Variants in SEC23A observed in about 807,000 individuals in gnomAD.
SEC23A encodes the protein protein transport protein Sec23A.
A neutral mutation model predicts 103.7 loss-of-function variants in SEC23A; 56 were observed. That is an observed-to-expected ratio of 0.54 (90% CI 0.44 to 0.67). The LOEUF (loss-of-function observed/expected upper bound fraction) is 0.67, where lower values mean the gene tolerates loss of function less well. SEC23A is among the 30% of genes least tolerant of loss of function. The pLI is 0.00. For synonymous variants in SEC23A, 281 were observed against 293.0 expected (o/e 0.96, Z 0.42); for missense variants, 784 against 936.4 (o/e 0.84, Z 2.12).
chr14:39,041,409 C>CAAAAAAAAAAAAAAA lies in SEC23A; in HGVS notation c.1987-537_1987-523dup, dbSNP rs56911438. 1.3e-3 allele frequency: 19 copies of CAAAAAAAAAAAAAAA among 14,642 alleles called. 2 individuals are homozygous for CAAAAAAAAAAAAAAA. The highest frequency in any genetic ancestry group is 1.5e-3 in the Admixed American group (1 of 658). The allele number at this position is 14,642 out of a possible 1,614,324, so 0.9% of individuals were successfully genotyped here. On this transcript the variant is annotated intron_variant, in intron 17 of 19. Coordinates refer to ENST00000307712, the MANE Select transcript of SEC23A (RefSeq NM_006364.4). The stretch of plus-strand genomic sequence containing the variant: ...AAATCACCATAAAACAAAGAAAAAG[C>CAAAAAAAAAAAAAAA]AAAAAAAAAAAAAAAAAAAAAAAAA...
chr14:39,060,720 G>T (rs1471099258), intron 13 of SEC23A, among the ~76,000 whole-genome samples: 2 of 152,166 alleles, frequency 1.3e-5, no homozygotes, highest in Admixed American at 6.5e-5. Context: ...TTAATAAAAA[G>T]AAAGGTACTA....
intron 13 of SEC23A, among the ~76,000 whole-genome samples, chr14:39,061,265 G>T (rs1042936784): frequency 6.6e-6 from 1 of 151,930 alleles, no homozygotes; most frequent in Non-Finnish European, 1.5e-5. Flanking sequence ...ACAGCAGGAG[G>T]CTAAGTACGT....
chr14:39,040,950 T>G (rs1885617132), intron 17 of SEC23A, 63 bp from the exon 18 acceptor site: 1 of 1,527,046 alleles, frequency 6.5e-7, no homozygotes, highest in Admixed American at 2.1e-5. Flanking sequence ...ATCTTGAGAT[T>G]TTTCCAAAGA....
At position 39,045,196 on chromosome 14, in the gene SEC23A, G is replaced by T. The variant is rs755409537; in HGVS notation, c.1866C>A (p.Ile622=). ...LTQSLIMIQP[I]LYAYSFSGPP... Reference sequence around the variant, plus strand: ...GTCCACTAAAAGAATACGCATACAGGATAGGCTGAATCATAATTAGAGACT... The same window carrying T: ...GTCCACTAAAAGAATACGCATACAGTATAGGCTGAATCATAATTAGAGACT... The change falls in exon 16 of 20, where the codon ATC becomes ATA. Residue 622 remains isoleucine (I), a synonymous_variant. Coordinates refer to ENST00000307712, the MANE Select transcript of SEC23A (RefSeq NM_006364.4). The T allele has an allele frequency of 1.2e-6, 2 of 1,613,430 alleles. No homozygotes were observed. Among genetic ancestry groups the T allele is most frequent in the East Asian group, 2.2e-5 (1 of 44,806 alleles).
At chr14:39,047,464 T>C in intron 15 of SEC23A, 1 of 1,178,552 alleles carries the variant, frequency 8.5e-7, no homozygotes, top group Non-Finnish European at 1.1e-6. Context: ...TTCTGGGTTA[T>C]AGATCAATCA....
At chr14:39,096,618 A>C (rs1887902438) in intron 1 of SEC23A, among the ~76,000 whole-genome samples, 1 of 152,110 alleles carries the variant, frequency 6.6e-6, no homozygotes, top group African/African-American at 2.4e-5. Flanking sequence ...TAATGGCTCT[A>C]CCCAATGTTC....
At chr14:39,045,973 TG>T (rs1437929302) in intron 15 of SEC23A, among the ~76,000 whole-genome samples, 1 of 152,214 alleles carries the variant, frequency 6.6e-6, no homozygotes, top group Non-Finnish European at 1.5e-5. Context: ...CAGGGCCAGA[TG>T]GAGGGAACTG....
At chr14:39,077,227 CAAAAAAAAAAAAAAA>C (rs57549556) in intron 7 of SEC23A, among the ~76,000 whole-genome samples, 7 of 36,480 alleles carry the variant, frequency 1.9e-4, no homozygotes, top group Admixed American at 1.4e-3. Context: ...GACTCCATCT[CAAAAAAAAAAAAAAA>C]AAAAAAAAAA....
intron 19 of SEC23A, among the ~76,000 whole-genome samples, chr14:39,038,046 A>G (rs1038062675): frequency 6.6e-6 from 1 of 152,060 alleles, no homozygotes; most frequent in African/African-American, 2.4e-5. Flanking sequence ...TAAATACTCA[A>G]CTTCTCACTC....
intron 7 of SEC23A, among the ~76,000 whole-genome samples, chr14:39,078,860 G>A (rs1271520253): frequency 2.0e-5 from 3 of 152,022 alleles, no homozygotes; most frequent in Non-Finnish European, 4.4e-5. Flanking sequence ...CAGCATCAAT[G>A]TAACAAATAT....
intron 7 of SEC23A, 135 bp downstream of exon 7, chr14:39,085,627 C>T: frequency 9.6e-7 from 1 of 1,042,560 alleles, no homozygotes; most frequent in African/African-American, 1.6e-5. Flanking sequence ...TTTGTTGATG[C>T]TGAGTGAGAG....
chr14:39,100,397 C>T (rs534181968), intron 1 of SEC23A, among the ~76,000 whole-genome samples: 1 of 144,868 alleles, frequency 6.9e-6, no homozygotes, highest in African/African-American at 2.6e-5. Flanking sequence ...AAATAAAGTC[C>T]TTTTACAAGC....
chr14:39,032,383 T>C lies in SEC23A; in HGVS notation c.*856A>G, dbSNP rs555730290. On this transcript the variant is annotated 3_prime_UTR_variant, in exon 20 of 20. Coordinates refer to ENST00000307712, the MANE Select transcript of SEC23A (RefSeq NM_006364.4). Reference sequence around the variant, plus strand: ...AACTGCCAAAATAGTGTTAAAATACTGAAGGATATAATGCAAAATTTACCT... The same window carrying C: ...AACTGCCAAAATAGTGTTAAAATACCGAAGGATATAATGCAAAATTTACCT... The C allele has an allele frequency of 1.3e-5, 2 of 152,668 alleles. No individual in the cohort carries two copies. Among genetic ancestry groups the C allele is most frequent in the South Asian group, 4.1e-4 (2 of 4,828 alleles). The allele number at this position is 152,668 out of a possible 1,614,324, so 9.5% of individuals were successfully genotyped here. A position where few individuals can be genotyped will look rare whatever the true frequency, so the allele number is the denominator to read the frequency against.
chr14:39,039,043 A>G lies in SEC23A; in HGVS notation c.2196T>C (p.Tyr732=). The change falls in exon 19 of 20, where the codon TAT becomes TAC. Residue 732 remains tyrosine, a synonymous_variant. Coordinates refer to ENST00000307712, the MANE Select transcript of SEC23A (RefSeq NM_006364.4). ...TATTTAAACTTACCTGCCCCCAGGC[A>G]TACATATTATTATGAGTCTGTGAAG... ...VNPSQTHNNM[Y]AWGQESGAPI... is the part of the protein sequence containing the mutation. 6.2e-7 allele frequency: 1 copy of G among 1,613,210 alleles called. No homozygotes were observed. The highest frequency in any genetic ancestry group is 8.5e-7 in the Non-Finnish European group (1 of 1,179,218).
intron 7 of SEC23A, among the ~76,000 whole-genome samples, chr14:39,079,287 G>A (rs1887138462): frequency 6.6e-6 from 1 of 152,056 alleles, no homozygotes; most frequent in Non-Finnish European, 1.5e-5. Context: ...CAAAGGAAGT[G>A]ACAGGATCTA....
At chr14:39,093,920 T>C (rs1436419647) in intron 2 of SEC23A, among the ~76,000 whole-genome samples, 1 of 152,058 alleles carries the variant, frequency 6.6e-6, no homozygotes, top group African/African-American at 2.4e-5. Context: ...TACCAACCAC[T>C]ATTTTAGGCG....
intron 14 of SEC23A, among the ~76,000 whole-genome samples, chr14:39,054,664 C>T (rs1028500011): frequency 1.3e-5 from 2 of 152,020 alleles, no homozygotes; most frequent in Non-Finnish European, 1.5e-5. Context: ...ACAGGGGTTT[C>T]GCCATGTTGC....
chr14:39,064,725 G>A (rs577390374), intron 11 of SEC23A, 188 bp downstream of exon 11: 3 of 602,406 alleles, frequency 5.0e-6, no homozygotes, highest in East Asian at 5.8e-5. Context: ...CTGTGCGTTC[G>A]CTGTGTCTTT....
At chr14:39,094,438 ATATATT>A (rs563859169) in intron 2 of SEC23A, among the ~76,000 whole-genome samples, 370 of 15,662 alleles carry the variant, frequency 0.024, 76 homozygotes, top group Non-Finnish European at 0.031. Flanking sequence ...ATATATATAT[ATATATT>A]TTTTTTTTTT....
Sources: gnomAD v4.1 joint callset for allele counts (sites outside exome capture counted in the v4.1 genomes callset) on GRCh38, gnomAD v4.1.1 for gene constraint, MANE v1.5 for transcripts, NCBI Gene and HGNC (gene_info 2026-07-23, HGNC 2026-07-21) for gene names.